The following BST1 variants were observed in gnomAD, a reference collection of about 807,000 sequenced individuals.
BST1 encodes the protein ADP-ribosyl cyclase/cyclic ADP-ribose hydrolase 2.
BST1 carries 49 observed loss-of-function variants against 40.6 expected under a neutral mutation model. That is an observed-to-expected ratio of 1.21 (90% CI 0.96 to 1.53). The LOEUF (loss-of-function observed/expected upper bound fraction) is 1.53. Ranked by LOEUF, BST1 falls within the 40% of genes most tolerant of loss-of-function variation. The pLI, the probability that BST1 is intolerant of heterozygous loss-of-function variation, is 0.00. For synonymous variants in BST1, 157 were observed against 159.3 expected (o/e 0.99, Z 0.11); for missense variants, 423 against 395.9 (o/e 1.07, Z -0.58).
chr4:15,764,404 CA>C, the BST1 span, among the ~76,000 whole-genome samples: 3 of 151,958 alleles, frequency 2.0e-5, no homozygotes, highest in East Asian at 5.8e-4. Flanking sequence ...TTCCTCCCCT[CA>C]GCTGAGATAT....
At chr4:15,707,989 T>C (rs111459405) in intron 3 of BST1, among the ~76,000 whole-genome samples, 9 of 152,154 alleles carry the variant, frequency 5.9e-5, no homozygotes, top group African/African-American at 2.2e-4. Context: ...ATCCCCATTT[T>C]GATAAATGAG....
chr4:15,741,096 G>C (rs936548104), downstream of BST1, among the ~76,000 whole-genome samples: 1 of 138,096 alleles, frequency 7.2e-6, no homozygotes, highest in Admixed American at 7.0e-5. Flanking sequence ...TATATCTAGC[G>C]ACAAAAGATT....
At chr4:15,748,573 G>A in the BST1 span, among the ~76,000 whole-genome samples, 1 of 152,140 alleles carries the variant, frequency 6.6e-6, no homozygotes, top group African/African-American at 2.4e-5. Flanking sequence ...GCCAGGGCTG[G>A]GAATAGAGAC....
At chr4:15,705,718 A>G in intron 2 of BST1, 77 bp downstream of exon 2, 1 of 1,542,082 alleles carries the variant, frequency 6.5e-7, no homozygotes, top group Non-Finnish European at 9.0e-7. Context: ...CCAGGTTGAC[A>G]TTAGCTGTCC....
chr4:15,770,491 G>A, the BST1 span, among the ~76,000 whole-genome samples: 1 of 152,142 alleles, frequency 6.6e-6, no homozygotes, highest in Non-Finnish European at 1.5e-5. Flanking sequence ...GATCACCTGA[G>A]GTCAGGAGTT....
intron 2 of BST1, among the ~76,000 whole-genome samples, chr4:15,707,294 A>G (rs1014045102): frequency 1.3e-5 from 2 of 152,196 alleles, no homozygotes; most frequent in Non-Finnish European, 2.9e-5. Context: ...AAAATATTCC[A>G]TTAACATTTG....
At chr4:15,745,549 T>C in the BST1 span, among the ~76,000 whole-genome samples, 1 of 152,230 alleles carries the variant, frequency 6.6e-6, no homozygotes, top group African/African-American at 2.4e-5. Flanking sequence ...ATCCAGGCTC[T>C]GGACTGTCTG....
intron 1 of BST1, 128 bp downstream of exon 1, chr4:15,703,460 A>G: frequency 7.3e-7 from 1 of 1,377,314 alleles, no homozygotes; most frequent in Admixed American, 3.3e-5. Flanking sequence ...GGGAGAGGTG[A>G]GTGTGGAGAC....
At chr4:15,724,854 C>A (rs1292461855) in intron 8 of BST1, among the ~76,000 whole-genome samples, 1 of 152,134 alleles carries the variant, frequency 6.6e-6, no homozygotes, top group Non-Finnish European at 1.5e-5. Flanking sequence ...CCTAGCCTCT[C>A]TACCCACTGT....
intron 8 of BST1, among the ~76,000 whole-genome samples, chr4:15,729,622 T>C (rs1201078265): frequency 2.0e-5 from 3 of 152,172 alleles, no homozygotes; most frequent in Non-Finnish European, 1.5e-5. Context: ...ATGGGAAAAT[T>C]AGGCTTTTGA....
At chr4:15,746,929 A>G in the BST1 span, among the ~76,000 whole-genome samples, 1 of 152,314 alleles carries the variant, frequency 6.6e-6, no homozygotes, top group South Asian at 2.1e-4. Context: ...GTCTTGTAGC[A>G]GTGACAGCTC....
the BST1 span, among the ~76,000 whole-genome samples, chr4:15,769,952 G>A: frequency 6.6e-6 from 1 of 152,030 alleles, no homozygotes; most frequent in Non-Finnish European, 1.5e-5. Flanking sequence ...TGATTCTCCT[G>A]CTTCAGCCTC....
the BST1 span, among the ~76,000 whole-genome samples, chr4:15,773,913 C>A: frequency 2.0e-5 from 3 of 152,106 alleles, no homozygotes; most frequent in Admixed American, 2.0e-4. Context: ...ACGTTTTTTT[C>A]TCCGTTATAT....
chr4:15,745,589 C>A, the BST1 span, among the ~76,000 whole-genome samples: 22 of 152,166 alleles, frequency 1.4e-4, no homozygotes, highest in Non-Finnish European at 2.9e-4. Flanking sequence ...TGAGGTCATT[C>A]AAAATCAAGA....
chr4:15,723,801 C>G (rs1488762156), intron 8 of BST1: 3 of 188,316 alleles, frequency 1.6e-5, no homozygotes, highest in Non-Finnish European at 3.0e-5. Context: ...CCAGCATACA[C>G]TTCCACCACC....
chr4:15,715,264 A>T (rs745925263), intron 4 of BST1, 21 bp from the exon 5 acceptor site: 7 of 1,610,696 alleles, frequency 4.3e-6, no homozygotes, highest in Non-Finnish European at 5.9e-6. Flanking sequence ...ATTTGCTAAA[A>T]ATACTTGGTT....
At chr4:15,724,486 A>C (rs996481966) in intron 8 of BST1, among the ~76,000 whole-genome samples, 1 of 152,212 alleles carries the variant, frequency 6.6e-6, no homozygotes, top group African/African-American at 2.4e-5. Context: ...CAGGAGTTCA[A>C]GACCTGCCTG....
chr4:15,755,320 G>A, the BST1 span, among the ~76,000 whole-genome samples: 1 of 152,042 alleles, frequency 6.6e-6, no homozygotes, highest in Non-Finnish European at 1.5e-5. Context: ...TGTATTTTTA[G>A]TAGAGATGGG....
chr4:15,733,112 T>A (rs1026196808), downstream of BST1, among the ~76,000 whole-genome samples: 4 of 152,214 alleles, frequency 2.6e-5, no homozygotes, highest in Non-Finnish European at 5.9e-5. Context: ...GGACCCAAGC[T>A]GGTTGCCACT....
Sources: gnomAD v4.1 joint callset for allele counts (sites outside exome capture counted in the v4.1 genomes callset) on GRCh38, gnomAD v4.1.1 for gene constraint, MANE v1.5 for transcripts, NCBI Gene and HGNC (gene_info 2026-07-23, HGNC 2026-07-21) for gene names.